Variants in SRSF9 observed in about 807,000 individuals in gnomAD.
SRSF9 encodes serine and arginine rich splicing factor 9, also known as serine/arginine-rich splicing factor 9.
Under a neutral mutation model 25.9 loss-of-function variants are expected in SRSF9, and 3 were observed. The ratio of observed to expected loss-of-function variants is 0.12; its 90% confidence interval spans 0.05 to 0.30. The LOEUF (loss-of-function observed/expected upper bound fraction) is 0.30, where lower values mean the gene tolerates loss of function less well. Among genes scored for constraint, SRSF9 ranks in the 10% least tolerant of loss-of-function variants. The pLI, the probability that SRSF9 is intolerant of heterozygous loss-of-function variation, is 1.00. For missense variants in SRSF9, 161 were observed against 303.5 expected, an observed-to-expected ratio of 0.53 and a Z score of 3.49; for synonymous variants, 114 against 113.2, an observed-to-expected ratio of 1.01 and a Z score of -0.05.
At position 120,462,220 on chromosome 12, in the gene SRSF9, T is replaced by C. The variant is rs1878365499; in HGVS notation, c.523-58A>G. On this transcript the variant is annotated intron_variant, in intron 3 of 3. Coordinates refer to ENST00000229390, the MANE Select transcript of SRSF9 (RefSeq NM_003769.3). The stretch of plus-strand genomic sequence containing the variant: ...GGGAAAAAAATCAGAGCCAGAAGAA[T>C]AAGCAAACCAACATCTAACAATAAT... 16 of 1,533,774 alleles carry C rather than the reference T, an allele frequency of 1.0e-5. No homozygotes were observed. The South Asian group carries it at 1.7e-4, about 16-fold the overall frequency.
chr12:120,463,123 T>G (rs1260461632), intron 3 of SRSF9: 2 of 68,784 alleles, frequency 2.9e-5, no homozygotes, highest in South Asian at 4.0e-4. Flanking sequence ...AAAAAAACAA[T>G]GTCCAACTGG....
Position 120,465,646 on chromosome 12 carries a change from A to G in SRSF9, c.330T>C (p.Asp110=). The change falls in exon 2 of 4, where the codon GAT becomes GAC. Residue 110 remains aspartate, a synonymous_variant. Transcript: ENST00000229390. ...ACATACCTGAAACAAGAACTCGGAAATCAGATCTTCTTGTAGGAGGCCCAT... is the reference window on the plus strand; with the variant it reads ...ACATACCTGAAACAAGAACTCGGAAGTCAGATCTTCTTGTAGGAGGCCCAT... ...GRNGPPTRRS[D]FRVLVSGLPP... is the part of the protein sequence containing the mutation. 1 of 1,594,576 alleles carries G rather than the reference A, an allele frequency of 6.3e-7. No individual in the cohort carries two copies. The highest frequency in any genetic ancestry group is 1.9e-5 in the Admixed American group (1 of 52,508).
intron 1 of SRSF9, among the ~76,000 whole-genome samples, chr12:120,469,087 T>C (rs1878565427): frequency 6.6e-6 from 1 of 151,980 alleles, no homozygotes; most frequent in African/African-American, 2.4e-5. Context: ...CGCTTCCCCC[T>C]ACGGTGCTGC....
chr12:120,462,360 A>G (rs1450752390), intron 3 of SRSF9, 198 bp from the exon 4 acceptor site: 7 of 498,020 alleles, frequency 1.4e-5, no homozygotes, highest in Non-Finnish European at 2.0e-5. Flanking sequence ...GAATGAAGAA[A>G]ATTAAGACTT....
chr12:120,463,765 T>C (rs997561691), intron 3 of SRSF9, 185 bp downstream of exon 3: 61 of 596,408 alleles, frequency 1.0e-4, no homozygotes, highest in African/African-American at 9.4e-4. Context: ...CATGAATGCA[T>C]ACTTCTTTCA....
chr12:120,469,685 T>C lies in SRSF9; in HGVS notation c.-76A>G. On this transcript the variant is annotated 5_prime_UTR_variant, in exon 1 of 4. Coordinates refer to ENST00000229390, the MANE Select transcript of SRSF9 (RefSeq NM_003769.3). ...CCTCAGCACGGGTCCCCCCGCAGCG[T>C]CCCCGCGGGCTCCGAGGCGCTCAGC... 3 of 990,638 alleles carry C rather than the reference T, an allele frequency of 3.0e-6. No individual in the cohort carries two copies. Among genetic ancestry groups the C allele is most frequent in the Non-Finnish European group, 3.8e-6 (3 of 781,790 alleles). 61.4% of individuals were successfully genotyped at this position (990,638 alleles called of 1,614,324 possible).
At chr12:120,463,388 T>C (rs1592990873) in intron 3 of SRSF9, 1 of 67,308 alleles carries the variant, frequency 1.5e-5, no homozygotes, top group African/African-American at 1.6e-4. Context: ...GGCAATATAA[T>C]GAGACTGTCT....
At chr12:120,464,462 A>C (rs1462189186) in intron 2 of SRSF9, 1 of 186,506 alleles carries the variant, frequency 5.4e-6, no homozygotes, top group Non-Finnish European at 1.1e-5. Context: ...TTTGAGTTCC[A>C]ATTTTTTCCA....
chr12:120,464,234 C>T lies in SRSF9; in HGVS notation c.350-112G>A. ...CCATGATCACTTAAATCCTGAGGGT[C>T]CCCAAATCATAAACCTTGATAAGGG... On this transcript the variant is annotated intron_variant, in intron 2 of 3. Transcript: ENST00000229390. 8.0e-6 allele frequency: 10 copies of T among 1,257,692 alleles called. No homozygotes were observed. In the South Asian group the frequency reaches 1.4e-4, roughly 18 times the overall value. 77.9% of individuals were successfully genotyped at this position (1,257,692 alleles called of 1,614,324 possible). A position where few individuals can be genotyped will look rare whatever the true frequency, so the allele number is the denominator to read the frequency against.
chr12:120,463,834 G>A lies in SRSF9; in HGVS notation c.522+116C>T, dbSNP rs529394906. ...TCCATGGCTTTGTCCACCTAAGATA[G>A]ATCTCTTATGGTACTGTGAGGTTAC... On this transcript the variant is annotated intron_variant, in intron 3 of 3. Transcript: ENST00000229390. 4.1e-6 allele frequency: 5 copies of A among 1,209,354 alleles called. No homozygotes were observed. In the African/African-American group the frequency reaches 7.6e-5, roughly 18 times the overall value. 74.9% of individuals were successfully genotyped at this position (1,209,354 alleles called of 1,614,324 possible). A position where few individuals can be genotyped will look rare whatever the true frequency, so the allele number is the denominator to read the frequency against.
chr12:120,469,258 G>T (rs1281363412), intron 1 of SRSF9, among the ~76,000 whole-genome samples, 164 bp downstream of exon 1: 9 of 152,234 alleles, frequency 5.9e-5, no homozygotes, highest in Non-Finnish European at 2.9e-5. Flanking sequence ...GGCCTGCGAG[G>T]AGAGGCTGCC....
chr12:120,462,301 T>A, intron 3 of SRSF9, 139 bp from the exon 4 acceptor site: 2 of 819,682 alleles, frequency 2.4e-6, no homozygotes, highest in Non-Finnish European at 3.7e-6. Flanking sequence ...GCTATCTCAT[T>A]AAACCTTCAT....
At chr12:120,467,010 G>T (rs1485228554) in intron 1 of SRSF9, among the ~76,000 whole-genome samples, 1 of 152,216 alleles carries the variant, frequency 6.6e-6, no homozygotes, top group Non-Finnish European at 1.5e-5. Context: ...TTGGATGGTA[G>T]AAAGTGTGAC....
chr12:120,469,055 G>A (rs1275307770), intron 1 of SRSF9, among the ~76,000 whole-genome samples: 5 of 152,010 alleles, frequency 3.3e-5, no homozygotes, highest in Admixed American at 2.0e-4. Context: ...GGCGAACGGC[G>A]ACCCCCGCGC....
intron 2 of SRSF9, chr12:120,464,341 G>T: frequency 2.2e-6 from 1 of 463,882 alleles, no homozygotes; most frequent in Non-Finnish European, 3.8e-6. Context: ...ATCTTCCAGA[G>T]ACCAGGCCTT....
intron 2 of SRSF9, chr12:120,465,360 A>T (rs1878458916): frequency 6.7e-6 from 2 of 297,916 alleles, no homozygotes; most frequent in Non-Finnish European, 1.2e-5. Context: ...TTGTAGCTCA[A>T]GTTTTCCCAT....
chr12:120,469,172 T>G (rs1878569196), intron 1 of SRSF9, among the ~76,000 whole-genome samples: 1 of 151,852 alleles, frequency 6.6e-6, no homozygotes. Context: ...CTCCAAAGGC[T>G]CAGCTTTTGG....
chr12:120,465,538 T>C lies in SRSF9; in HGVS notation c.349+89A>G, dbSNP rs371691290. Reference sequence around the variant, plus strand: ...AAGAAAGCCCCCGTGTCCCATGCACTGAAGAATAACAGCTATCATTTCTTG... The same window carrying C: ...AAGAAAGCCCCCGTGTCCCATGCACCGAAGAATAACAGCTATCATTTCTTG... On this transcript the variant is annotated intron_variant, in intron 2 of 3. Coordinates refer to ENST00000229390, the MANE Select transcript of SRSF9 (RefSeq NM_003769.3). 1.6e-4 allele frequency: 231 copies of C among 1,424,618 alleles called. 2 individuals are homozygous for C. The South Asian group carries it at 2.3e-3, about 14-fold the overall frequency. The allele number at this position is 1,424,618 out of a possible 1,614,324, so 88.2% of individuals were successfully genotyped here. A position where few individuals can be genotyped will look rare whatever the true frequency, so the allele number is the denominator to read the frequency against.
chr12:120,467,699 A>G (rs892852877), intron 1 of SRSF9, among the ~76,000 whole-genome samples: 5 of 151,990 alleles, frequency 3.3e-5, no homozygotes, highest in African/African-American at 1.2e-4. Flanking sequence ...ATCTAGTGAC[A>G]CCAAAAGATA....
Sources: allele counts gnomAD v4.1 joint callset (sites outside exome capture counted in the v4.1 genomes callset), GRCh38; gene constraint gnomAD v4.1.1; transcripts MANE v1.5; gene names NCBI Gene and HGNC (gene_info 2026-07-23, HGNC 2026-07-21).